PLCL1: variants seen among roughly 807,000 people sequenced by gnomAD.
PLCL1 encodes phospholipase C like 1 (inactive), also known as inactive phospholipase C-like protein 1.
PLCL1 carries 41 observed loss-of-function variants against 84.4 expected under a neutral mutation model. The observed-to-expected ratio is 0.49, with a 90% CI of 0.38 to 0.63. The LOEUF is 0.63. Among genes scored for constraint, PLCL1 ranks in the 30% least tolerant of loss-of-function variants. PLCL1 has a pLI of 0.00. For missense variants in PLCL1, 1,206 were observed against 1,367.8 expected (o/e 0.88, Z 1.87); for synonymous variants, 490 against 488.3 (o/e 1.00, Z -0.05).
Position 197,892,909 on chromosome 2 carries a change from C to T in PLCL1, c.240+87570C>T, listed in dbSNP as rs146305718. On this transcript the variant is annotated intron_variant, in intron 1 of 5. Coordinates refer to ENST00000428675, the MANE Select transcript of PLCL1 (RefSeq NM_006226.4). Reference sequence around the variant, plus strand: ...ACTCAGGAGGCTGAGGCAGGAGAATCGCTTGAACCCGGGAGGGGAAGGTTG... The same window carrying T: ...ACTCAGGAGGCTGAGGCAGGAGAATTGCTTGAACCCGGGAGGGGAAGGTTG... 2.1e-3 allele frequency among the ~76,000 whole-genome samples: 325 copies of T among 152,204 alleles called. 1 individual carries two copies. Among genetic ancestry groups the T allele is most frequent in the African/African-American group, 7.3e-3 (305 of 41,542 alleles).
At chr2:198,121,702 A>T (rs943886895) in intron 5 of PLCL1, among the ~76,000 whole-genome samples, 2 of 152,060 alleles carry the variant, frequency 1.3e-5, no homozygotes, top group African/African-American at 4.8e-5. Flanking sequence ...AGTTTTGGTT[A>T]TTACAGCTCT....
intron 1 of PLCL1, among the ~76,000 whole-genome samples, chr2:197,986,598 C>T (rs1690224067): frequency 1.3e-5 from 2 of 152,188 alleles, no homozygotes; most frequent in South Asian, 2.1e-4. Context: ...ATCCTCCCGC[C>T]TCAGCCTACC....
rs147895707 is a variant in PLCL1 at position 197,827,580 on chromosome 2, A to T, written c.240+22241A>T. Among the ~76,000 whole-genome samples the T allele has an allele frequency of 3.0e-3, 365 of 120,798 alleles. 2 individuals carry two copies. Among genetic ancestry groups the T allele is most frequent in the African/African-American group, 0.012 (321 of 27,406 alleles). The allele number at this position is 120,798 out of a possible 152,430, so 79.2% of individuals were successfully genotyped here. A position where few individuals can be genotyped will look rare whatever the true frequency, so the allele number is the denominator to read the frequency against. On this transcript the variant is annotated intron_variant, in intron 1 of 5. Coordinates refer to ENST00000428675, the MANE Select transcript of PLCL1 (RefSeq NM_006226.4). ...AGGTGTTGTCAACAAAGTGGATATC[A>T]TGATAAAGGTTAAAAAATAAATCCA...
chr2:198,089,635 C>T (rs947066572), intron 3 of PLCL1, among the ~76,000 whole-genome samples: 5 of 152,138 alleles, frequency 3.3e-5, no homozygotes, highest in African/African-American at 9.6e-5. Flanking sequence ...ATTTCATCAG[C>T]CTGGAGTTGA....
chr2:197,813,852 T>G (rs1449844775), intron 1 of PLCL1, among the ~76,000 whole-genome samples: 1 of 152,206 alleles, frequency 6.6e-6, no homozygotes, highest in Admixed American at 6.5e-5. Context: ...ATCTTTATGC[T>G]ATATGTTCTT....
intron 1 of PLCL1, among the ~76,000 whole-genome samples, chr2:197,995,467 T>A (rs1690438403): frequency 6.6e-6 from 1 of 152,080 alleles, no homozygotes. Flanking sequence ...CCACATGATA[T>A]ACATGTCAGA....
chr2:197,855,583 A>G (rs1687316109), intron 1 of PLCL1, among the ~76,000 whole-genome samples: 2 of 152,074 alleles, frequency 1.3e-5, no homozygotes, highest in South Asian at 4.1e-4. Context: ...CTCCAGAACA[A>G]TCTAGTTGGC....
intron 1 of PLCL1, among the ~76,000 whole-genome samples, chr2:197,828,540 G>GA (rs1690982770): frequency 6.6e-6 from 1 of 151,924 alleles, no homozygotes; most frequent in Non-Finnish European, 1.5e-5. Flanking sequence ...TGTGGCTTTT[G>GA]AAAAAATATT....
At chr2:198,079,217 TA>T (rs899500657) in intron 1 of PLCL1, among the ~76,000 whole-genome samples, 1 of 151,752 alleles carries the variant, frequency 6.6e-6, no homozygotes, top group Non-Finnish European at 1.5e-5. Context: ...ACATGTTTAT[TA>T]ATTTGGCTTA....
At chr2:197,934,525 T>C (rs1468455336) in intron 1 of PLCL1, among the ~76,000 whole-genome samples, 7 of 152,190 alleles carry the variant, frequency 4.6e-5, no homozygotes, top group Admixed American at 4.6e-4. Flanking sequence ...TCAAAAGCAC[T>C]ATTAAGATGA....
intron 1 of PLCL1, among the ~76,000 whole-genome samples, chr2:197,933,412 T>C (rs917473206): frequency 1.3e-5 from 2 of 151,996 alleles, no homozygotes; most frequent in Non-Finnish European, 2.9e-5. Flanking sequence ...TACAGGCGCC[T>C]GCCACGACGC....
At chr2:198,040,200 G>T (rs1376475770) in intron 1 of PLCL1, among the ~76,000 whole-genome samples, 2 of 152,172 alleles carry the variant, frequency 1.3e-5, no homozygotes, top group Non-Finnish European at 2.9e-5. Flanking sequence ...AGGAGTTGAG[G>T]AGGGTAAGGG....
intron 1 of PLCL1, among the ~76,000 whole-genome samples, chr2:198,001,590 G>T (rs1690602055): frequency 6.6e-6 from 1 of 152,042 alleles, no homozygotes; most frequent in Non-Finnish European, 1.5e-5. Context: ...TGGCTTCTTT[G>T]ACTCCTATTA....
chr2:197,886,076 T>A (rs1219509802), intron 1 of PLCL1, among the ~76,000 whole-genome samples: 1 of 152,166 alleles, frequency 6.6e-6, no homozygotes, highest in East Asian at 1.9e-4. Context: ...TCATCCCATA[T>A]TTAAAATGTC....
chr2:197,903,132 C>A (rs761521652), intron 1 of PLCL1, among the ~76,000 whole-genome samples: 29 of 152,098 alleles, frequency 1.9e-4, no homozygotes, highest in Non-Finnish European at 3.7e-4. Flanking sequence ...TTAGGCGAAA[C>A]CACGATAATT....
chr2:197,997,243 G>A (rs1034324585), intron 1 of PLCL1, among the ~76,000 whole-genome samples: 1 of 152,200 alleles, frequency 6.6e-6, no homozygotes, highest in Non-Finnish European at 1.5e-5. Context: ...TGGGGCGGGG[G>A]CGTGAGCCCA....
chr2:197,932,507 C>T (rs1688957179), intron 1 of PLCL1, among the ~76,000 whole-genome samples: 1 of 152,130 alleles, frequency 6.6e-6, no homozygotes, highest in South Asian at 2.1e-4. Context: ...TCTCCAGATG[C>T]TCTCCGTCCC....
At chr2:198,014,962 G>A (rs1690962545) in intron 1 of PLCL1, among the ~76,000 whole-genome samples, 1 of 152,090 alleles carries the variant, frequency 6.6e-6, no homozygotes, top group African/African-American at 2.4e-5. Flanking sequence ...GCAGTAGCCA[G>A]TGAAGTTATC....
At chr2:197,955,726 T>C (rs765144778) in intron 1 of PLCL1, among the ~76,000 whole-genome samples, 24 of 151,972 alleles carry the variant, frequency 1.6e-4, no homozygotes, top group Non-Finnish European at 3.1e-4. Context: ...TCTCATGCCA[T>C]TTTATGGCTG....
Sources: gnomAD v4.1 joint callset for allele counts (sites outside exome capture counted in the v4.1 genomes callset) on GRCh38, gnomAD v4.1.1 for gene constraint, MANE v1.5 for transcripts, NCBI Gene and HGNC (gene_info 2026-07-23, HGNC 2026-07-21) for gene names.